Variants in IGF1 observed in about 807,000 individuals in gnomAD.
IGF1 encodes the protein insulin-like growth factor 1.
A neutral mutation model predicts 13.8 loss-of-function variants in IGF1; 4 were observed. The ratio of observed to expected loss-of-function variants is 0.29; its 90% CI spans 0.14 to 0.66. IGF1 has a LOEUF of 0.66. Among genes scored for constraint, IGF1 ranks in the 30% least tolerant of loss-of-function variants. The pLI, the probability that IGF1 is intolerant of heterozygous loss-of-function variation, is 0.78. For synonymous variants in IGF1, 76 were observed against 72.6 expected, an observed-to-expected ratio of 1.05 and a Z score of -0.23; for missense variants, 124 against 188.5, an observed-to-expected ratio of 0.66 and a Z score of 2.00.
chr12:102,406,652 A>G (rs1452833054), intron 3 of IGF1, among the ~76,000 whole-genome samples: 3 of 152,154 alleles, frequency 2.0e-5, no homozygotes, highest in Non-Finnish European at 4.4e-5. Flanking sequence ...TTGATTTGTG[A>G]TATATATGAT....
chr12:102,449,990 G>T (rs1361342884), intron 2 of IGF1, among the ~76,000 whole-genome samples: 1 of 152,086 alleles, frequency 6.6e-6, no homozygotes, highest in Non-Finnish European at 1.5e-5. Flanking sequence ...TTCTCAAGAA[G>T]TGCTCAGACA....
At chr12:102,449,346 G>A (rs1306815198) in intron 2 of IGF1, among the ~76,000 whole-genome samples, 1 of 150,484 alleles carries the variant, frequency 6.6e-6, no homozygotes, top group Non-Finnish European at 1.5e-5. Context: ...GTTGAACAAT[G>A]AGAACACATG....
At chr12:102,434,331 G>T (rs1167765244) in intron 2 of IGF1, among the ~76,000 whole-genome samples, 8 of 132,950 alleles carry the variant, frequency 6.0e-5, no homozygotes, top group African/African-American at 2.3e-4. Flanking sequence ...CCCAGAGTGT[G>T]ATGTTCCCCT....
chr12:102,461,649 C>A (rs1166423979), intron 2 of IGF1, among the ~76,000 whole-genome samples: 1 of 152,110 alleles, frequency 6.6e-6, no homozygotes, highest in Non-Finnish European at 1.5e-5. Context: ...GACTGGGGCT[C>A]AGTTCCTGGC....
chr12:102,430,430 G>C (rs113491748), intron 2 of IGF1, among the ~76,000 whole-genome samples: 1 of 152,124 alleles, frequency 6.6e-6, no homozygotes, highest in Admixed American at 6.5e-5. Context: ...GTAACCTTTA[G>C]GCTGACGAAT....
chr12:102,439,587 C>T (rs942274205), intron 2 of IGF1, among the ~76,000 whole-genome samples: 3 of 151,874 alleles, frequency 2.0e-5, no homozygotes, highest in South Asian at 4.2e-4. Context: ...AATTATGAAA[C>T]GAAAGCCTAG....
chr12:102,420,262 A>C (rs182945133), intron 2 of IGF1, among the ~76,000 whole-genome samples: 12 of 152,332 alleles, frequency 7.9e-5, no homozygotes, highest in Admixed American at 7.2e-4. Flanking sequence ...TGGAGTCAAG[A>C]TGCAAACTCA....
chr12:102,436,723 GT>G (rs1877261463), intron 2 of IGF1, among the ~76,000 whole-genome samples: 1 of 152,150 alleles, frequency 6.6e-6, no homozygotes, highest in African/African-American at 2.4e-5. Context: ...TTATTTATCA[GT>G]TAGGTTACAC....
chr12:102,404,846 C>T lies in IGF1; in HGVS notation c.403-2280G>A, dbSNP rs952399354. Reference sequence around the variant, plus strand: ...GTTCTCAGCTCACTGCAACCTCTGCCTCCCGGGTTCAAGTGATTCTCCTGC... The same window carrying T: ...GTTCTCAGCTCACTGCAACCTCTGCTTCCCGGGTTCAAGTGATTCTCCTGC... On this transcript the variant is annotated intron_variant, in intron 3 of 3. Coordinates refer to ENST00000337514, the MANE Select transcript of IGF1 (RefSeq NM_000618.5). 5.9e-5 allele frequency among the ~76,000 whole-genome samples: 9 copies of T among 151,468 alleles called. No individual in the cohort carries two copies. The East Asian group carries it at 9.7e-4, about 16-fold the overall frequency.
intron 2 of IGF1, among the ~76,000 whole-genome samples, chr12:102,445,567 G>A (rs796360452): frequency 1.3e-5 from 2 of 152,268 alleles, no homozygotes; most frequent in African/African-American, 4.8e-5. Context: ...GAATGCTTGT[G>A]ATTTTTCCAC....
rs1873733789 is a variant in IGF1 at position 102,402,175 on chromosome 12, C to G, written c.*332G>C. ...AGATTCAGAGAGGAATTTAGTGCAA[C>G]TGGATCTATACAACACCCATGCATT... On this transcript the variant is annotated 3_prime_UTR_variant, in exon 4 of 4. Transcript: ENST00000337514. 1 of 160,546 alleles carries G rather than the reference C, an allele frequency of 6.2e-6. No individual in the cohort carries two copies. Among genetic ancestry groups the G allele is most frequent in the Non-Finnish European group, 1.4e-5 (1 of 73,984 alleles). The allele number at this position is 160,546 out of a possible 1,614,324, so 9.9% of individuals were successfully genotyped here. A position where few individuals can be genotyped will look rare whatever the true frequency, so the allele number is the denominator to read the frequency against.
chr12:102,455,139 G>C (rs1179489769), intron 2 of IGF1, among the ~76,000 whole-genome samples: 1 of 152,202 alleles, frequency 6.6e-6, no homozygotes, highest in East Asian at 1.9e-4. Flanking sequence ...AATGTATTTT[G>C]ACTTTTTAGA....
intron 2 of IGF1, among the ~76,000 whole-genome samples, chr12:102,422,892 A>G (rs941445208): frequency 6.6e-6 from 1 of 152,210 alleles, no homozygotes; most frequent in African/African-American, 2.4e-5. Context: ...TAAGAAAAGC[A>G]TTCCTAACAA....
chr12:102,452,474 A>G (rs1051863856), intron 2 of IGF1, among the ~76,000 whole-genome samples: 4 of 152,170 alleles, frequency 2.6e-5, no homozygotes, highest in East Asian at 1.9e-4. Flanking sequence ...CTGTCATAAA[A>G]TAGATGCTCA....
chr12:102,447,277 C>T (rs1160504978), intron 2 of IGF1, among the ~76,000 whole-genome samples: 1 of 152,104 alleles, frequency 6.6e-6, no homozygotes, highest in East Asian at 1.9e-4. Context: ...TCCTGAATAT[C>T]CTTGCTAATT....
rs10860868 is a variant in IGF1 at position 102,448,696 on chromosome 12, A to T, written c.220+26947T>A. On this transcript the variant is annotated intron_variant, in intron 2 of 3. Transcript: ENST00000337514. Reference sequence around the variant, plus strand: ...CTAAAACTTAGAGTATAATAAAAAAAAAAAAAAAAAAAAAAAAAAATCTCA... The same window carrying T: ...CTAAAACTTAGAGTATAATAAAAAATAAAAAAAAAAAAAAAAAAAATCTCA... Among the ~76,000 whole-genome samples, 135 of 78,552 alleles carry T rather than the reference A, an allele frequency of 1.7e-3. 1 individual carries two copies. Among genetic ancestry groups the T allele is most frequent in the African/African-American group, 4.7e-3 (77 of 16,512 alleles). The allele number at this position is 78,552 out of a possible 152,430, so 51.5% of individuals were successfully genotyped here.
chr12:102,403,146 G>A (rs1243963267), intron 3 of IGF1, among the ~76,000 whole-genome samples: 2 of 152,048 alleles, frequency 1.3e-5, no homozygotes, highest in East Asian at 3.9e-4. Context: ...CTATTTTCTG[G>A]CTGTGTAAAC....
At chr12:102,470,642 C>G (rs1880629716) in intron 2 of IGF1, among the ~76,000 whole-genome samples, 1 of 152,124 alleles carries the variant, frequency 6.6e-6, no homozygotes, top group Admixed American at 6.5e-5. Flanking sequence ...TGACTGTACC[C>G]CTAACTTTGA....
Position 102,402,241 on chromosome 12 carries a change from TATA to T in IGF1, c.*263_*265del. 3.9e-5 allele frequency: 10 copies of T among 255,178 alleles called. No individual in the cohort carries two copies. The highest frequency in any genetic ancestry group is 5.2e-5 in the Non-Finnish European group (7 of 134,790). The allele number at this position is 255,178 out of a possible 1,614,324, so 15.8% of individuals were successfully genotyped here. On this transcript the variant is annotated 3_prime_UTR_variant, in exon 4 of 4. Transcript: ENST00000337514. The stretch of plus-strand genomic sequence containing the variant: ...GCAGGGACTAAGATATATATATATA[TATA>T]TTTTTTTTTTCTTTTCTATAGAACA...
Sources: allele counts gnomAD v4.1 joint callset (sites outside exome capture counted in the v4.1 genomes callset), GRCh38; gene constraint gnomAD v4.1.1; transcripts MANE v1.5; gene names NCBI Gene and HGNC (gene_info 2026-07-23, HGNC 2026-07-21).